FHIT: variants seen among roughly 807,000 people sequenced by gnomAD.
The protein encoded by FHIT is bis(5'-adenosyl)-triphosphatase.
Under a neutral mutation model 17.9 loss-of-function variants are expected in FHIT, and 19 were observed. The observed-to-expected ratio is 1.06, with a 90% CI of 0.74 to 1.56. The LOEUF (loss-of-function observed/expected upper bound fraction) is 1.56. FHIT is among the 40% of genes most tolerant of loss of function. The pLI is 0.00. For synonymous variants in FHIT, 81 were observed against 69.7 expected, an observed-to-expected ratio of 1.16 and a Z score of -0.81; for missense variants, 248 against 189.2, an observed-to-expected ratio of 1.31 and a Z score of -1.82.
intron 3 of FHIT, among the ~76,000 whole-genome samples, chr3:60,914,971 C>T (rs1216639904): frequency 6.6e-5 from 10 of 152,282 alleles, no homozygotes; most frequent in South Asian, 4.1e-4. Flanking sequence ...TTAGAAGAAA[C>T]GTATAAATTT....
intron 8 of FHIT, among the ~76,000 whole-genome samples, chr3:59,792,305 A>G (rs1699599054): frequency 6.6e-6 from 1 of 152,192 alleles, no homozygotes; most frequent in Admixed American, 6.5e-5. Flanking sequence ...AGAAAGAAAC[A>G]GATGATGCAA....
chr3:60,041,312 C>A (rs1343385546), intron 5 of FHIT, among the ~76,000 whole-genome samples: 2 of 152,114 alleles, frequency 1.3e-5, no homozygotes, highest in Non-Finnish European at 2.9e-5. Context: ...GGAGAGGAAA[C>A]CAACTCAGAA....
At chr3:59,981,000 T>C (rs560867994) in intron 7 of FHIT, among the ~76,000 whole-genome samples, 1 of 152,164 alleles carries the variant, frequency 6.6e-6, no homozygotes, top group Non-Finnish European at 1.5e-5. Flanking sequence ...GTAGTTATGT[T>C]ACCCAAAAGT....
At chr3:59,810,287 G>A (rs1420111669) in intron 8 of FHIT, among the ~76,000 whole-genome samples, 2 of 152,156 alleles carry the variant, frequency 1.3e-5, no homozygotes, top group African/African-American at 4.8e-5. Context: ...GGCTGTAGAG[G>A]CTCAGAGAGA....
At chr3:60,145,213 T>C (rs193252068) in intron 5 of FHIT, among the ~76,000 whole-genome samples, 159 of 152,314 alleles carry the variant, frequency 1.0e-3, no homozygotes, top group African/African-American at 2.5e-3. Flanking sequence ...CTCGGTGTTA[T>C]TGGAAATTGC....
intron 8 of FHIT, among the ~76,000 whole-genome samples, chr3:59,908,483 G>T (rs935532971): frequency 6.6e-6 from 1 of 152,182 alleles, no homozygotes. Context: ...CTCTAGGAAT[G>T]TAGGAGGCCA....
At chr3:60,687,807 G>A (rs1367490957) in intron 4 of FHIT, among the ~76,000 whole-genome samples, 1 of 151,986 alleles carries the variant, frequency 6.6e-6, no homozygotes, top group Admixed American at 6.6e-5. Flanking sequence ...ATTTCTAACA[G>A]CCTTTGTTTC....
At chr3:60,073,874 C>A (rs902177112) in intron 5 of FHIT, among the ~76,000 whole-genome samples, 1 of 152,052 alleles carries the variant, frequency 6.6e-6, no homozygotes, top group Non-Finnish European at 1.5e-5. Flanking sequence ...AACAAGTTCA[C>A]CAGATATACG....
rs550479894 is a variant in FHIT at position 60,613,468 on chromosome 3, G to A, written c.-17-76489C>T. Among the ~76,000 whole-genome samples, 5 of 152,254 alleles carry A rather than the reference G, an allele frequency of 3.3e-5. No individual in the cohort carries two copies. The Middle Eastern group carries it at 0.01, about 311-fold the overall frequency. ...TGATACAAAGTGAGTGAAGCTCAGG[G>A]TTTAGCAAGTTAACATGAAAACCCT... On this transcript the variant is annotated intron_variant, in intron 4 of 9. Coordinates refer to ENST00000492590, the MANE Select transcript of FHIT (RefSeq NM_002012.4).
At chr3:61,058,597 T>G (rs2034311474) in intron 2 of FHIT, among the ~76,000 whole-genome samples, 1 of 152,150 alleles carries the variant, frequency 6.6e-6, no homozygotes, top group East Asian at 1.9e-4. Context: ...TTTAGTCTCT[T>G]TCTCCTGCTC....
intron 7 of FHIT, among the ~76,000 whole-genome samples, chr3:60,003,399 A>C (rs17254835): frequency 0.067 from 10,224 of 152,254 alleles, 425 homozygotes; most frequent in Middle Eastern, 0.16. Flanking sequence ...TTCAGCTAAA[A>C]GGCCCAATTT....
At chr3:60,271,254 T>C (rs144009215) in intron 5 of FHIT, among the ~76,000 whole-genome samples, 79 of 152,020 alleles carry the variant, frequency 5.2e-4, no homozygotes, top group African/African-American at 1.9e-3. Context: ...ACTACAAAAA[T>C]TAGCCAGGCA....
intron 1 of FHIT, among the ~76,000 whole-genome samples, chr3:61,241,327 G>A (rs1318242912): frequency 6.6e-6 from 1 of 152,134 alleles, no homozygotes; most frequent in Non-Finnish European, 1.5e-5. Flanking sequence ...AGGTAAACTT[G>A]TGCTTCTGGG....
chr3:60,988,655 T>C (rs2029883427), intron 3 of FHIT, among the ~76,000 whole-genome samples: 1 of 151,588 alleles, frequency 6.6e-6, no homozygotes, highest in Admixed American at 6.6e-5. Flanking sequence ...AAAAGGAGAG[T>C]AGCAGGGCAT....
In FHIT at chr3:61,225,590, T is replaced by C. The variant is rs568188151; in HGVS notation, c.-212-24925A>G. On this transcript the variant is annotated intron_variant, in intron 1 of 9. Coordinates refer to ENST00000492590, the MANE Select transcript of FHIT (RefSeq NM_002012.4). The stretch of plus-strand genomic sequence containing the variant: ...AGTGAACACAAAGTTAAGCGTTATA[T>C]ACTTTCTGCGGTTTCAGTAATAGCT... Among the ~76,000 whole-genome samples the C allele has an allele frequency of 6.8e-4, 104 of 152,368 alleles. 1 individual carries two copies. In the South Asian group the frequency reaches 0.014, roughly 20 times the overall value.
At chr3:60,086,434 A>G (rs1175779252) in intron 5 of FHIT, among the ~76,000 whole-genome samples, 1 of 152,224 alleles carries the variant, frequency 6.6e-6, no homozygotes, top group Non-Finnish European at 1.5e-5. Flanking sequence ...CAATAGTCCC[A>G]AAAGTCTTAA....
At chr3:60,552,127 T>C (rs771424335) in intron 4 of FHIT, among the ~76,000 whole-genome samples, 12 of 152,186 alleles carry the variant, frequency 7.9e-5, no homozygotes, top group Non-Finnish European at 1.8e-4. Context: ...ACTTAGCATG[T>C]GTTCAAGATT....
intron 5 of FHIT, among the ~76,000 whole-genome samples, chr3:60,297,525 T>A (rs1576439091): frequency 6.6e-6 from 1 of 152,038 alleles, no homozygotes; most frequent in South Asian, 2.1e-4. Flanking sequence ...TAGGATTTTT[T>A]AAAAAGATTC....
At chr3:60,306,836 C>G (rs563801014) in intron 5 of FHIT, among the ~76,000 whole-genome samples, 3 of 152,228 alleles carry the variant, frequency 2.0e-5, no homozygotes, top group African/African-American at 7.2e-5. Flanking sequence ...CTCGTCAGTG[C>G]TCAAAGAGTA....
Sources: gnomAD v4.1 joint callset for allele counts (sites outside exome capture counted in the v4.1 genomes callset) on GRCh38, gnomAD v4.1.1 for gene constraint, MANE v1.5 for transcripts, NCBI Gene and HGNC (gene_info 2026-07-23, HGNC 2026-07-21) for gene names.